ARHGAP44: variants seen among roughly 807,000 people sequenced by gnomAD.
ARHGAP44 encodes the protein Rho GTPase activating protein 44.
A neutral mutation model predicts 106.8 loss-of-function variants in ARHGAP44; 43 were observed. The ratio of observed to expected loss-of-function variants is 0.40; its 90% CI spans 0.32 to 0.52. ARHGAP44 has a LOEUF of 0.52. ARHGAP44 is among the 20% of genes least tolerant of loss of function. The probability of loss-of-function intolerance (pLI) is 0.48; values close to 1 mark genes in which losing one functional copy is unlikely to be tolerated. For missense variants in ARHGAP44, 866 were observed against 1,050.5 expected (o/e 0.82, Z 2.43); for synonymous variants, 439 against 410.3 (o/e 1.07, Z -0.85).
chr17:12,954,955 T>TC (rs1009825752), intron 13 of ARHGAP44, among the ~76,000 whole-genome samples: 4 of 152,208 alleles, frequency 2.6e-5, no homozygotes, highest in African/African-American at 9.7e-5. Context: ...TACTGGTGTC[T>TC]CATTTTAGAA....
At chr17:12,877,077 A>C (rs1281999654) in intron 1 of ARHGAP44, among the ~76,000 whole-genome samples, 2 of 152,158 alleles carry the variant, frequency 1.3e-5, no homozygotes, top group Admixed American at 6.5e-5. Flanking sequence ...CAAGTTGGAA[A>C]CTTATTTATC....
At position 12,891,953 on chromosome 17, in the gene ARHGAP44, G is replaced by T. The variant is rs948071608; in HGVS notation, c.54-2987G>T. 6.3e-5 allele frequency among the ~76,000 whole-genome samples: 9 copies of T among 143,400 alleles called. No homozygotes were observed. The East Asian group carries it at 2.0e-3, about 32-fold the overall frequency. The allele number at this position is 143,400 out of a possible 152,430, so 94.1% of individuals were successfully genotyped here. ...TGGGATTGCAGGTGCGCACCACCAC[G>T]CCCGGCTAATTTTTTGTATTTTTAG... On this transcript the variant is annotated intron_variant, in intron 1 of 20. Coordinates refer to ENST00000379672, the MANE Select transcript of ARHGAP44 (RefSeq NM_014859.6).
At chr17:12,923,416 A>G (rs1257870141) in intron 6 of ARHGAP44, among the ~76,000 whole-genome samples, 1 of 152,100 alleles carries the variant, frequency 6.6e-6, no homozygotes, top group East Asian at 1.9e-4. Context: ...GGGTTTCGCC[A>G]TGTTGGCCAG....
At chr17:12,957,300 ACTGT>A (rs2039154604) in intron 15 of ARHGAP44, among the ~76,000 whole-genome samples, 1 of 152,180 alleles carries the variant, frequency 6.6e-6, no homozygotes, top group African/African-American at 2.4e-5. Context: ...GAAGGTGTCC[ACTGT>A]CTGTACTAAC....
chr17:12,803,077 A>G (rs760165027), intron 1 of ARHGAP44, among the ~76,000 whole-genome samples: 3 of 147,938 alleles, frequency 2.0e-5, no homozygotes. Context: ...GGTTCAAGCA[A>G]TTCTCCTGCC....
chr17:12,898,629 G>T (rs1023599842), intron 3 of ARHGAP44, among the ~76,000 whole-genome samples: 2 of 152,144 alleles, frequency 1.3e-5, no homozygotes, highest in African/African-American at 4.8e-5. Context: ...CCAGCTCCAC[G>T]CATCACATCT....
At chr17:12,906,295 C>G (rs2037544029) in intron 3 of ARHGAP44, among the ~76,000 whole-genome samples, 2 of 152,180 alleles carry the variant, frequency 1.3e-5, no homozygotes, top group South Asian at 4.1e-4. Context: ...CCCCAACTCT[C>G]TGAACACCAG....
chr17:12,863,027 G>A (rs2036133618), intron 1 of ARHGAP44, among the ~76,000 whole-genome samples: 1 of 150,494 alleles, frequency 6.6e-6, no homozygotes, highest in Non-Finnish European at 1.5e-5. Context: ...ATGTCTCATG[G>A]CTATAATCCC....
chr17:12,832,002 G>A (rs1455488562), intron 1 of ARHGAP44, among the ~76,000 whole-genome samples: 1 of 152,134 alleles, frequency 6.6e-6, no homozygotes, highest in Non-Finnish European at 1.5e-5. Context: ...CAAGACTGAA[G>A]CCTAGGCCAG....
Position 12,961,603 on chromosome 17 carries a change from G to T in ARHGAP44, c.1523+2706G>T, listed in dbSNP as rs375455114. Among the ~76,000 whole-genome samples, 172 of 152,226 alleles carry T rather than the reference G, an allele frequency of 1.1e-3. 4 individuals are homozygous for T. The South Asian group carries it at 0.034, about 30-fold the overall frequency. On this transcript the variant is annotated intron_variant, in intron 16 of 20. Coordinates refer to ENST00000379672, the MANE Select transcript of ARHGAP44 (RefSeq NM_014859.6). Reference sequence around the variant, plus strand: ...TACAAAATTAGCCCGGTATGATGGCGCATGCCTGTAATCCCAGCTACTCGG... The same window carrying T: ...TACAAAATTAGCCCGGTATGATGGCTCATGCCTGTAATCCCAGCTACTCGG...
intron 1 of ARHGAP44, among the ~76,000 whole-genome samples, chr17:12,852,056 G>C (rs1375211360): frequency 6.6e-6 from 1 of 150,548 alleles, no homozygotes; most frequent in Non-Finnish European, 1.5e-5. Context: ...CATTTGAGTG[G>C]ATGAGGCTGA....
At chr17:12,950,571 C>G (rs1281866919) in intron 12 of ARHGAP44, among the ~76,000 whole-genome samples, 1 of 152,152 alleles carries the variant, frequency 6.6e-6, no homozygotes, top group East Asian at 1.9e-4. Flanking sequence ...ATTGTATGTT[C>G]TTTTGGGCAT....
chr17:12,961,094 C>T (rs1306838789), intron 16 of ARHGAP44, among the ~76,000 whole-genome samples: 1 of 152,050 alleles, frequency 6.6e-6, no homozygotes, highest in African/African-American at 2.4e-5. Context: ...AAAGTGTGCC[C>T]CTCCATCCCT....
intron 1 of ARHGAP44, among the ~76,000 whole-genome samples, chr17:12,810,794 T>C (rs2034415395): frequency 6.6e-6 from 1 of 152,126 alleles, no homozygotes; most frequent in South Asian, 2.1e-4. Context: ...TTGTATCATA[T>C]ACAGTTGACC....
intron 2 of ARHGAP44, among the ~76,000 whole-genome samples, chr17:12,895,922 A>G (rs2037188694): frequency 6.6e-6 from 1 of 152,200 alleles, no homozygotes; most frequent in Non-Finnish European, 1.5e-5. Context: ...CTATGCAGCC[A>G]TAAGAAAAGG....
At chr17:12,813,389 A>G (rs1280936800) in intron 1 of ARHGAP44, among the ~76,000 whole-genome samples, 1 of 152,170 alleles carries the variant, frequency 6.6e-6, no homozygotes, top group East Asian at 1.9e-4. Context: ...GAGAAAAACA[A>G]GAGGAGTACC....
intron 1 of ARHGAP44, among the ~76,000 whole-genome samples, chr17:12,890,003 C>T (rs1567670621): frequency 1.3e-5 from 2 of 152,330 alleles, no homozygotes; most frequent in African/African-American, 4.8e-5. Context: ...GTTTTGACCT[C>T]AAAGCCTTGG....
At chr17:12,942,048 C>T (rs1430171576) in intron 8 of ARHGAP44, among the ~76,000 whole-genome samples, 3 of 152,140 alleles carry the variant, frequency 2.0e-5, no homozygotes, top group African/African-American at 7.2e-5. Context: ...AGAAATTTTC[C>T]AACATTTCAT....
chr17:12,809,063 A>G (rs1414248896), intron 1 of ARHGAP44, among the ~76,000 whole-genome samples: 4 of 152,342 alleles, frequency 2.6e-5, no homozygotes, highest in South Asian at 2.1e-4. Flanking sequence ...GCAAAATGCT[A>G]TGAGTCTCTT....
Sources: gnomAD v4.1 joint callset for allele counts (sites outside exome capture counted in the v4.1 genomes callset) on GRCh38, gnomAD v4.1.1 for gene constraint, MANE v1.5 for transcripts, NCBI Gene and HGNC (gene_info 2026-07-23, HGNC 2026-07-21) for gene names.